EPHA3: variants seen among roughly 807,000 people sequenced by gnomAD.
EPHA3 encodes the protein EPH receptor A3, also known as ephrin type-A receptor 3.
Under a neutral mutation model 107.1 loss-of-function variants are expected in EPHA3, and 42 were observed. The ratio of observed to expected loss-of-function variants is 0.39; its 90% confidence interval spans 0.31 to 0.51. The LOEUF (loss-of-function observed/expected upper bound fraction) is 0.51, where lower values mean the gene tolerates loss of function less well. Ranked by LOEUF, EPHA3 falls within the 20% of genes least tolerant of loss-of-function variation. The pLI is 0.78. For missense variants in EPHA3, 1,183 were observed against 1,211.2 expected, an observed-to-expected ratio of 0.98 and a Z score of 0.35; for synonymous variants, 461 against 424.8, an observed-to-expected ratio of 1.09 and a Z score of -1.05.
chr3:89,409,206 C>T (rs1299750185), intron 9 of EPHA3, among the ~76,000 whole-genome samples: 1 of 152,002 alleles, frequency 6.6e-6, no homozygotes, highest in African/African-American at 2.4e-5. Context: ...TACTACATTC[C>T]TAAAATCAAC....
chr3:89,117,010 C>G (rs1450437142), intron 1 of EPHA3, among the ~76,000 whole-genome samples: 1 of 152,062 alleles, frequency 6.6e-6, no homozygotes, highest in Non-Finnish European at 1.5e-5. Flanking sequence ...CCAAACTGAG[C>G]TGTCTTCCCT....
chr3:89,337,183 T>G (rs574840977), intron 3 of EPHA3, among the ~76,000 whole-genome samples: 1 of 152,352 alleles, frequency 6.6e-6, no homozygotes, highest in Admixed American at 6.5e-5. Context: ...CTTGCAATTT[T>G]TAATTAAATA....
At chr3:89,224,618 G>A (rs530915580) in intron 3 of EPHA3, among the ~76,000 whole-genome samples, 1 of 152,162 alleles carries the variant, frequency 6.6e-6, no homozygotes, top group South Asian at 2.1e-4. Flanking sequence ...GGAGGCCAAG[G>A]CAGGCACATC....
chr3:89,367,510 T>G (rs1708207576), intron 5 of EPHA3, among the ~76,000 whole-genome samples: 2 of 150,658 alleles, frequency 1.3e-5, no homozygotes, highest in South Asian at 4.2e-4. Flanking sequence ...ATTAATCACA[T>G]TAGCATATAG....
At chr3:89,297,538 G>A (rs542503747) in intron 3 of EPHA3, among the ~76,000 whole-genome samples, 4 of 152,038 alleles carry the variant, frequency 2.6e-5, no homozygotes, top group East Asian at 3.9e-4. Context: ...CAAAGATCTC[G>A]GATCATAGAT....
chr3:89,207,569 CAT>C (rs1320708720), intron 2 of EPHA3, among the ~76,000 whole-genome samples: 22 of 138,356 alleles, frequency 1.6e-4, no homozygotes, highest in Admixed American at 4.8e-4. Context: ...AAAATCATAA[CAT>C]AGTGTCAATA....
intron 16 of EPHA3, among the ~76,000 whole-genome samples, chr3:89,473,326 C>T (rs918624076): frequency 6.6e-6 from 1 of 152,090 alleles, no homozygotes; most frequent in African/African-American, 2.4e-5. Context: ...TGTGGACAAT[C>T]ATCTTTGGGT....
intron 2 of EPHA3, among the ~76,000 whole-genome samples, chr3:89,128,423 T>C (rs529864448): frequency 6.6e-6 from 1 of 152,198 alleles, no homozygotes; most frequent in South Asian, 2.1e-4. Flanking sequence ...ATGATTAAGA[T>C]AAAAGCACAG....
intron 3 of EPHA3, among the ~76,000 whole-genome samples, chr3:89,222,326 CATATAT>C (rs34438291): frequency 0.051 from 7,096 of 138,310 alleles, 313 homozygotes; most frequent in African/African-American, 0.11. Context: ...AATACATATA[CATATAT>C]ATATATATAT....
chr3:89,451,891 GTGTGTGTGTGTGTGTT>G (rs936382590), intron 15 of EPHA3, among the ~76,000 whole-genome samples: 2 of 151,690 alleles, frequency 1.3e-5, no homozygotes, highest in Middle Eastern at 6.3e-3. Flanking sequence ...GTGTGTGTGT[GTGTGTGTGTGTGTGTT>G]TGTGTGTGTG....
intron 3 of EPHA3, among the ~76,000 whole-genome samples, chr3:89,310,044 G>GGTGA (rs541676770): frequency 3.7e-4 from 56 of 152,050 alleles, no homozygotes; most frequent in Non-Finnish European, 7.5e-4. Context: ...AAACTCACAG[G>GGTGA]GTGAGCTCCA....
chr3:89,344,973 G>T (rs1041293226), intron 5 of EPHA3, among the ~76,000 whole-genome samples: 2 of 151,236 alleles, frequency 1.3e-5, no homozygotes, highest in African/African-American at 4.8e-5. Flanking sequence ...GTCAAGTAAA[G>T]AAAGAATTGC....
chr3:89,356,945 A>G (rs1408562045), intron 5 of EPHA3, among the ~76,000 whole-genome samples: 2 of 149,560 alleles, frequency 1.3e-5, no homozygotes, highest in Non-Finnish European at 3.0e-5. Flanking sequence ...TCTACTGAAA[A>G]TACAAAAATT....
At chr3:89,368,674 A>T (rs1708229470) in intron 5 of EPHA3, among the ~76,000 whole-genome samples, 1 of 150,344 alleles carries the variant, frequency 6.7e-6, no homozygotes, top group African/African-American at 2.4e-5. Flanking sequence ...GAGCAAGTTC[A>T]CTGCCCTCTG....
chr3:89,361,698 T>C (rs1275644228), intron 5 of EPHA3, among the ~76,000 whole-genome samples: 1 of 151,058 alleles, frequency 6.6e-6, no homozygotes, highest in African/African-American at 2.4e-5. Flanking sequence ...TTCTGAGCGC[T>C]CACCTCAACA....
At chr3:89,446,925 T>A (rs766942738) in intron 13 of EPHA3, among the ~76,000 whole-genome samples, 1 of 152,176 alleles carries the variant, frequency 6.6e-6, no homozygotes, top group Non-Finnish European at 1.5e-5. Context: ...TTGAGATTTT[T>A]AAGATACTGT....
At chr3:89,338,027 G>C (rs1290674662) in intron 3 of EPHA3, among the ~76,000 whole-genome samples, 3 of 152,166 alleles carry the variant, frequency 2.0e-5, no homozygotes, top group African/African-American at 7.2e-5. Context: ...GCTTCAAGTT[G>C]TATTTGTACA....
chr3:89,211,762 T>C lies in EPHA3; in HGVS notation c.814+1242T>C, dbSNP rs1269978950. On this transcript the variant is annotated intron_variant, in intron 3 of 16. Transcript: ENST00000336596. Reference sequence around the variant, plus strand: ...CTTCTCCTTCTTCTTCTTCTTCTTCTTCTTCTTCTTCTTCTTCTTCTTCTT... The same window carrying C: ...CTTCTCCTTCTTCTTCTTCTTCTTCCTCTTCTTCTTCTTCTTCTTCTTCTT... Among the ~76,000 whole-genome samples the C allele has an allele frequency of 3.9e-5, 5 of 128,734 alleles. 2 individuals carry two copies. Among genetic ancestry groups the C allele is most frequent in the Non-Finnish European group, 8.1e-5 (5 of 62,030 alleles). The allele number at this position is 128,734 out of a possible 152,430, so 84.5% of individuals were successfully genotyped here. A position where few individuals can be genotyped will look rare whatever the true frequency, so the allele number is the denominator to read the frequency against.
chr3:89,188,750 A>G (rs1705635202), intron 2 of EPHA3, among the ~76,000 whole-genome samples: 1 of 152,176 alleles, frequency 6.6e-6, no homozygotes, highest in African/African-American at 2.4e-5. Context: ...ATCTTAATAA[A>G]TGATTTTCTT....
Sources: gnomAD v4.1 joint callset for allele counts (sites outside exome capture counted in the v4.1 genomes callset) on GRCh38, gnomAD v4.1.1 for gene constraint, MANE v1.5 for transcripts, NCBI Gene and HGNC (gene_info 2026-07-23, HGNC 2026-07-21) for gene names.